SYNDIG1: variants seen among roughly 807,000 people sequenced by gnomAD.
The protein encoded by SYNDIG1 is synapse differentiation inducing 1.
SYNDIG1 carries 9 observed loss-of-function variants against 19.4 expected under a neutral mutation model. The observed-to-expected ratio is 0.46, with a 90% confidence interval of 0.28 to 0.81. The LOEUF (loss-of-function observed/expected upper bound fraction) is 0.81. SYNDIG1 is among the 30% of genes least tolerant of loss of function. The pLI is 0.12. For synonymous variants in SYNDIG1, 141 were observed against 145.9 expected (o/e 0.97, Z 0.24); for missense variants, 311 against 343.3 (o/e 0.91, Z 0.74).
chr20:24,574,839 C>T (rs1470160865), intron 2 of SYNDIG1, among the ~76,000 whole-genome samples: 6 of 152,188 alleles, frequency 3.9e-5, no homozygotes, highest in Admixed American at 2.0e-4. Context: ...TCATTTCATT[C>T]GGCTCCTGCT....
At chr20:24,531,221 G>A (rs1189243238) in intron 1 of SYNDIG1, among the ~76,000 whole-genome samples, 1 of 152,174 alleles carries the variant, frequency 6.6e-6, no homozygotes, top group Non-Finnish European at 1.5e-5. Flanking sequence ...GACTGATACT[G>A]CACAATATAA....
chr20:24,624,410 A>C (rs1204902947), intron 3 of SYNDIG1, among the ~76,000 whole-genome samples: 2 of 152,232 alleles, frequency 1.3e-5, no homozygotes, highest in African/African-American at 4.8e-5. Flanking sequence ...TATTAATTTG[A>C]GAAAAAGCTG....
chr20:24,567,688 C>T (rs1169715159), intron 2 of SYNDIG1, among the ~76,000 whole-genome samples: 1 of 152,228 alleles, frequency 6.6e-6, no homozygotes, highest in Middle Eastern at 3.2e-3. Context: ...GGCCTGTGCC[C>T]ACCTGGTGGC....
At chr20:24,471,533 G>A (rs1417559403) in intron 1 of SYNDIG1, among the ~76,000 whole-genome samples, 1 of 150,186 alleles carries the variant, frequency 6.7e-6, no homozygotes, top group African/African-American at 2.5e-5. Context: ...GTAGCTGATC[G>A]GCGCCCTCTC....
intron 3 of SYNDIG1, among the ~76,000 whole-genome samples, chr20:24,643,632 A>G (rs892281929): frequency 1.3e-5 from 2 of 152,220 alleles, no homozygotes; most frequent in African/African-American, 4.8e-5. Context: ...AATTTGTAAT[A>G]CAGTTAGATT....
chr20:24,663,287 G>C (rs772183778), intron 3 of SYNDIG1, among the ~76,000 whole-genome samples: 4 of 152,142 alleles, frequency 2.6e-5, no homozygotes, highest in Admixed American at 1.3e-4. Flanking sequence ...TAGGTTTCTT[G>C]TTAGAGCCAA....
intron 3 of SYNDIG1, among the ~76,000 whole-genome samples, chr20:24,607,409 G>A (rs866030734): frequency 6.6e-5 from 10 of 151,452 alleles, no homozygotes; most frequent in African/African-American, 1.2e-4. Context: ...ACTCCACCTC[G>A]TTCGGGCTGA....
intron 3 of SYNDIG1, among the ~76,000 whole-genome samples, chr20:24,597,828 A>C (rs1323627540): frequency 6.6e-6 from 1 of 152,106 alleles, no homozygotes; most frequent in African/African-American, 2.4e-5. Flanking sequence ...TCAGAGCAGC[A>C]CCTTAGCCCC....
intron 3 of SYNDIG1, among the ~76,000 whole-genome samples, chr20:24,630,806 T>G (rs1238461530): frequency 6.6e-6 from 1 of 152,234 alleles, no homozygotes; most frequent in Non-Finnish European, 1.5e-5. Context: ...ACAAGAACCC[T>G]GAGTTATAGA....
intron 1 of SYNDIG1, among the ~76,000 whole-genome samples, chr20:24,483,001 A>C (rs2055840845): frequency 6.6e-6 from 1 of 152,240 alleles, no homozygotes; most frequent in Non-Finnish European, 1.5e-5. Context: ...TGAATTCATA[A>C]ATATGTGTTG....
intron 1 of SYNDIG1, among the ~76,000 whole-genome samples, chr20:24,509,029 C>T (rs1233253052): frequency 6.6e-6 from 1 of 152,190 alleles, no homozygotes; most frequent in Non-Finnish European, 1.5e-5. Flanking sequence ...ATCCCACAGG[C>T]CTTAAACATA....
intron 2 of SYNDIG1, among the ~76,000 whole-genome samples, chr20:24,578,660 T>C (rs977026602): frequency 1.3e-5 from 2 of 152,166 alleles, no homozygotes; most frequent in African/African-American, 4.8e-5. Context: ...GCTAGGCACA[T>C]GTGCATCCTG....
chr20:24,474,426 AG>A (rs2055558045), intron 1 of SYNDIG1, among the ~76,000 whole-genome samples: 1 of 152,232 alleles, frequency 6.6e-6, no homozygotes, highest in African/African-American at 2.4e-5. Context: ...TAACAGAACC[AG>A]GAAACATTAA....
chr20:24,484,039 A>G (rs6114740), intron 1 of SYNDIG1, among the ~76,000 whole-genome samples: 11,898 of 152,116 alleles, frequency 0.078, 1,522 homozygotes, highest in African/African-American at 0.27. Flanking sequence ...GTTGGATGTG[A>G]CTTCAGAATT....
chr20:24,580,730 C>A (rs2058308753), intron 2 of SYNDIG1, among the ~76,000 whole-genome samples: 2 of 152,114 alleles, frequency 1.3e-5, no homozygotes, highest in Non-Finnish European at 1.5e-5. Context: ...AAATCTATTT[C>A]AATCAAAGTT....
intron 3 of SYNDIG1, among the ~76,000 whole-genome samples, chr20:24,652,289 G>A (rs549301678): frequency 6.6e-5 from 10 of 152,314 alleles, no homozygotes; most frequent in South Asian, 6.2e-4. Flanking sequence ...CCAAAGACAC[G>A]CCTGTCCCTA....
At chr20:24,487,507 G>C (rs1458791480) in intron 1 of SYNDIG1, among the ~76,000 whole-genome samples, 1 of 152,142 alleles carries the variant, frequency 6.6e-6, no homozygotes, top group Admixed American at 6.6e-5. Context: ...GATGAGTGCT[G>C]TTATCTCAGG....
chr20:24,500,244 C>T (rs985454279), intron 1 of SYNDIG1, among the ~76,000 whole-genome samples: 1 of 152,044 alleles, frequency 6.6e-6, no homozygotes, highest in African/African-American at 2.4e-5. Flanking sequence ...AAATGTGATT[C>T]CTATGTTTCT....
intron 1 of SYNDIG1, among the ~76,000 whole-genome samples, chr20:24,496,973 T>A (rs2056319413): frequency 6.6e-6 from 1 of 152,224 alleles, no homozygotes; most frequent in South Asian, 2.1e-4. Flanking sequence ...CTTAGTAGGC[T>A]TATTAGAGTT....
Sources: gnomAD v4.1 joint callset for allele counts (sites outside exome capture counted in the v4.1 genomes callset) on GRCh38, gnomAD v4.1.1 for gene constraint, MANE v1.5 for transcripts, NCBI Gene and HGNC (gene_info 2026-07-23, HGNC 2026-07-21) for gene names.